The following TNIK variants were observed in gnomAD, a reference collection of about 807,000 sequenced individuals.
TNIK encodes TRAF2 and NCK interacting kinase, also known as TRAF2 and NCK-interacting protein kinase.
In TNIK, 49 loss-of-function variants were observed where a neutral mutation model predicts 191.3. The observed-to-expected ratio is 0.26, with a 90% CI of 0.20 to 0.32. The LOEUF is 0.32. TNIK is among the 10% of genes least tolerant of loss of function. The pLI is 1.00. For missense variants in TNIK, 1,155 were observed against 1,702.3 expected (o/e 0.68, Z 5.66); for synonymous variants, 594 against 600.9 (o/e 0.99, Z 0.17).
intron 24 of TNIK, among the ~76,000 whole-genome samples, chr3:171,086,058 T>G (rs1721323001): frequency 6.6e-6 from 1 of 152,240 alleles, no homozygotes; most frequent in South Asian, 2.1e-4. Context: ...ATTTCTTCTA[T>G]TCTTGTCCTT....
chr3:171,393,987 A>T (rs2108555180), intron 1 of TNIK, among the ~76,000 whole-genome samples: 1 of 152,362 alleles, frequency 6.6e-6, no homozygotes, highest in East Asian at 1.9e-4. Context: ...TTTAGTATAT[A>T]AAATAATATA....
At chr3:171,152,776 GTT>G (rs11346783) in intron 12 of TNIK, among the ~76,000 whole-genome samples, 27 of 139,832 alleles carry the variant, frequency 1.9e-4, no homozygotes, top group South Asian at 2.3e-4. Context: ...TTTGTTTTTT[GTT>G]TTTTTTTTTT....
chr3:171,343,157 G>C (rs984173617), intron 2 of TNIK, among the ~76,000 whole-genome samples: 3 of 152,162 alleles, frequency 2.0e-5, no homozygotes, highest in African/African-American at 7.2e-5. Context: ...CCACTTCTTA[G>C]CTGTGGGCTG....
intron 2 of TNIK, among the ~76,000 whole-genome samples, chr3:171,344,272 G>T (rs1291211396): frequency 6.6e-6 from 1 of 152,120 alleles, no homozygotes; most frequent in Admixed American, 6.6e-5. Flanking sequence ...CAAAGGACAA[G>T]ATTTGACCTT....
rs1733644897 is a variant in TNIK at position 171,159,234 on chromosome 3, A to G, written c.1017-1570T>C. Among the ~76,000 whole-genome samples the G allele has an allele frequency of 6.6e-6, 1 of 151,144 alleles. No homozygotes were observed. Among genetic ancestry groups the G allele is most frequent in the Non-Finnish European group, 1.5e-5 (1 of 67,806 alleles). ...GGAGGGAAGGAGCGTTTGGGGATAG[A>G]GGTCACGAAGCCTGTGGACAGATCT... On this transcript the variant is annotated intron_variant, in intron 11 of 32. Coordinates refer to ENST00000436636, the MANE Select transcript of TNIK (RefSeq NM_015028.4). This position sits in a 1 kb window ranked among gnomAD's most constrained non-coding sequence, Gnocchi z 4.1.
intron 27 of TNIK, among the ~76,000 whole-genome samples, chr3:171,080,598 T>C (rs1720547440): frequency 6.6e-6 from 1 of 151,964 alleles, no homozygotes; most frequent in African/African-American, 2.4e-5. Flanking sequence ...CCCAGCATGC[T>C]CAGCTAATTT....
chr3:171,441,057 G>T (rs1336283655), intron 1 of TNIK, among the ~76,000 whole-genome samples: 1 of 152,152 alleles, frequency 6.6e-6, no homozygotes, highest in Non-Finnish European at 1.5e-5. Flanking sequence ...GCAGAAGATA[G>T]GATCAGAGAA....
intron 1 of TNIK, among the ~76,000 whole-genome samples, chr3:171,409,719 C>G (rs990772311): frequency 6.7e-6 from 1 of 149,876 alleles, no homozygotes; most frequent in Admixed American, 6.7e-5. Flanking sequence ...ACATACATCA[C>G]ATGGGTGTCA....
intron 12 of TNIK, among the ~76,000 whole-genome samples, chr3:171,155,689 G>C (rs754621930): frequency 6.6e-6 from 1 of 152,238 alleles, no homozygotes; most frequent in Admixed American, 6.5e-5. Context: ...GACTGGGAGC[G>C]TGAGACAGAA....
intron 1 of TNIK, among the ~76,000 whole-genome samples, chr3:171,396,914 T>C (rs1211020557): frequency 6.6e-6 from 1 of 152,232 alleles, no homozygotes; most frequent in Admixed American, 6.5e-5. Flanking sequence ...TGGACTCATA[T>C]TGAAGACCTA....
chr3:171,272,437 C>G (rs769230131), intron 2 of TNIK, among the ~76,000 whole-genome samples: 3 of 152,242 alleles, frequency 2.0e-5, no homozygotes, highest in Non-Finnish European at 4.4e-5. Context: ...TGGCACCGTA[C>G]ACATCGAGAC....
At position 171,423,705 on chromosome 3, in the gene TNIK, CA is replaced by C. The variant is rs555661307; in HGVS notation, c.57+36301del. ...ATATCTATGACTATCTGATCTTTGA[CA>C]AACCTGACAAAAACAAGAAATGGGG... On this transcript the variant is annotated intron_variant, in intron 1 of 32. Transcript: ENST00000436636. Among the ~76,000 whole-genome samples the C allele has an allele frequency of 1.4e-3, 216 of 152,280 alleles. 1 individual carries two copies. The highest frequency in any genetic ancestry group is 1.9e-3 in the Non-Finnish European group (132 of 68,028).
At chr3:171,082,209 C>T (rs1391721072) in intron 27 of TNIK, 42 bp downstream of exon 27, 10 of 1,596,536 alleles carry the variant, frequency 6.3e-6, no homozygotes, top group Non-Finnish European at 6.8e-6. Flanking sequence ...GATCCCTTTC[C>T]CGCTGTATGG....
chr3:171,177,266 A>T, intron 8 of TNIK, 60 bp downstream of exon 8: 1 of 1,548,250 alleles, frequency 6.5e-7, no homozygotes, highest in African/African-American at 1.4e-5. Context: ...CCTGGCAAGG[A>T]AACTTCAGTA....
rs34307433 is a variant in TNIK at position 171,430,647 on chromosome 3, CA to C, written c.57+29359del. Among the ~76,000 whole-genome samples the C allele has an allele frequency of 3.5e-3, 401 of 113,948 alleles. 2 individuals carry two copies. The highest frequency in any genetic ancestry group is 0.01 in the African/African-American group (319 of 30,924). The allele number at this position is 113,948 out of a possible 152,430, so 74.8% of individuals were successfully genotyped here. On this transcript the variant is annotated intron_variant, in intron 1 of 32. Transcript: ENST00000436636. The stretch of plus-strand genomic sequence containing the variant: ...GTGACACCTTGTCTCAAAAAACAGA[CA>C]AAAAAAAAAAAAAAGAAATGAAATT...
Position 171,159,784 on chromosome 3 carries a change from A to C in TNIK, c.1016+1486T>G, listed in dbSNP as rs952875751. Among the ~76,000 whole-genome samples the C allele has an allele frequency of 1.3e-5, 2 of 152,238 alleles. No individual in the cohort carries two copies. The highest frequency in any genetic ancestry group is 4.8e-5 in the African/African-American group (2 of 41,470). On this transcript the variant is annotated intron_variant, in intron 11 of 32. Transcript: ENST00000436636. The surrounding 1 kb of genome is among the most constrained non-coding windows in gnomAD (Gnocchi z 4.1). ...GTCCTTTTCTATTTTTCAGGATTTC[A>C]TGAAGATTAATTAGATACGTCCATA...
At chr3:171,235,785 G>C (rs1560301198) in intron 2 of TNIK, among the ~76,000 whole-genome samples, 1 of 151,394 alleles carries the variant, frequency 6.6e-6, no homozygotes, top group Non-Finnish European at 1.5e-5. Context: ...GGGGTTTATA[G>C]AGTGAGATTT....
chr3:171,168,175 T>C (rs1734844444), intron 9 of TNIK, among the ~76,000 whole-genome samples: 1 of 152,214 alleles, frequency 6.6e-6, no homozygotes, highest in African/African-American at 2.4e-5. Flanking sequence ...TAAGCACGCA[T>C]GTTCTTGCTG....
chr3:171,074,402 G>A (rs933165263), intron 28 of TNIK, among the ~76,000 whole-genome samples: 1 of 151,974 alleles, frequency 6.6e-6, no homozygotes, highest in African/African-American at 2.4e-5. Flanking sequence ...TACCTGTTGC[G>A]TATAATGTTC....
Sources: gnomAD v4.1 joint callset for allele counts (sites outside exome capture counted in the v4.1 genomes callset) on GRCh38, gnomAD v4.1.1 for gene constraint, Gnocchi (gnomAD v3.1) non-coding constraint, MANE v1.5 for transcripts, NCBI Gene and HGNC (gene_info 2026-07-23, HGNC 2026-07-21) for gene names.